Variants in FHIP1A observed in about 807,000 individuals in gnomAD.
FHIP1A encodes the protein FHF complex subunit HOOK interacting protein 1A, also known as FHF complex subunit HOOK-interacting protein 1A.
FHIP1A carries 61 observed loss-of-function variants against 88.6 expected under a neutral mutation model. The ratio of observed to expected loss-of-function variants is 0.69; its 90% CI spans 0.56 to 0.85. The LOEUF (loss-of-function observed/expected upper bound fraction) is 0.85, where lower values mean the gene tolerates loss of function less well. Ranked by LOEUF, FHIP1A falls within the 40% of genes least tolerant of loss-of-function variation. The pLI, the probability that FHIP1A is intolerant of heterozygous loss-of-function variation, is 0.00. For missense variants in FHIP1A, 1,154 were observed against 1,273.5 expected (o/e 0.91, Z 1.43); for synonymous variants, 478 against 496.0 (o/e 0.96, Z 0.48).
At chr4:151,423,771 C>G (rs1309278205) in intron 1 of FHIP1A, among the ~76,000 whole-genome samples, 1 of 152,054 alleles carries the variant, frequency 6.6e-6, no homozygotes, top group East Asian at 1.9e-4. Context: ...TGCAAAGCCA[C>G]AAAAGGTAGT....
intron 1 of FHIP1A, among the ~76,000 whole-genome samples, chr4:151,451,416 CAGG>C (rs1190994191): frequency 6.6e-6 from 1 of 152,054 alleles, no homozygotes; most frequent in African/African-American, 2.4e-5. Context: ...CTTGAGCAAG[CAGG>C]AGTTCATTTT....
chr4:151,498,883 C>T (rs1730555012), intron 3 of FHIP1A, among the ~76,000 whole-genome samples: 2 of 152,214 alleles, frequency 1.3e-5, no homozygotes, highest in African/African-American at 4.8e-5. Flanking sequence ...ATCAACCTCC[C>T]TTCCTCCTTA....
At chr4:151,462,508 G>C in intron 2 of FHIP1A, among the ~76,000 whole-genome samples, 1 of 152,254 alleles carries the variant, frequency 6.6e-6, no homozygotes, top group East Asian at 1.9e-4. Context: ...TTCAAAAGAA[G>C]GATTCATAGT....
chr4:151,500,515 G>T (rs1730614923), intron 3 of FHIP1A, among the ~76,000 whole-genome samples: 1 of 151,286 alleles, frequency 6.6e-6, no homozygotes, highest in Non-Finnish European at 1.5e-5. Flanking sequence ...GTCACTTGGG[G>T]CAACTTACTT....
chr4:151,464,338 T>C (rs1022680149), intron 2 of FHIP1A, among the ~76,000 whole-genome samples: 2 of 152,222 alleles, frequency 1.3e-5, no homozygotes, highest in Admixed American at 1.3e-4. Context: ...CCATTAAAAA[T>C]ATAATTTATC....
chr4:151,555,457 C>T (rs1345351444), intron 3 of FHIP1A, among the ~76,000 whole-genome samples: 2 of 152,192 alleles, frequency 1.3e-5, no homozygotes, highest in East Asian at 3.9e-4. Context: ...AACAACTCTC[C>T]TCCTCCTCTT....
chr4:151,607,835 A>G (rs1346679468), intron 7 of FHIP1A, among the ~76,000 whole-genome samples: 5 of 152,142 alleles, frequency 3.3e-5, no homozygotes, highest in Admixed American at 2.0e-4. Flanking sequence ...TATTTAAGTA[A>G]CCAGCTGAAT....
chr4:151,443,091 C>T (rs77648943), intron 1 of FHIP1A, among the ~76,000 whole-genome samples: 2,682 of 152,018 alleles, frequency 0.018, 74 homozygotes, highest in African/African-American at 0.06. Flanking sequence ...GATAACATAG[C>T]GAGACCCTGT....
intron 7 of FHIP1A, among the ~76,000 whole-genome samples, chr4:151,608,025 T>TTCTTTC (rs1735142873): frequency 6.9e-6 from 1 of 145,778 alleles, no homozygotes; most frequent in Non-Finnish European, 1.5e-5. Context: ...TCTTTTCTTT[T>TTCTTTC]TCTTTCTTCT....
intron 1 of FHIP1A, among the ~76,000 whole-genome samples, chr4:151,446,575 C>CT (rs1580575050): frequency 5.0e-5 from 4 of 79,428 alleles, no homozygotes; most frequent in Middle Eastern, 7.6e-3. Flanking sequence ...ATGTGTTGTT[C>CT]TTTTTCTTTT....
In FHIP1A at chr4:151,518,345, A is replaced by G. The variant is rs191007200; in HGVS notation, c.-123+35697A>G. Among the ~76,000 whole-genome samples, 380 of 152,264 alleles carry G rather than the reference A, an allele frequency of 2.5e-3. 1 individual carries two copies. The highest frequency in any genetic ancestry group is 2.6e-3 in the Non-Finnish European group (180 of 68,016). ...GTCTAGGTGTGTAGTATACTGTACT[A>G]TCTAGGTTTATGAAAGTATACTCTA... On this transcript the variant is annotated intron_variant, in intron 3 of 13. Transcript: ENST00000435205.
chr4:151,496,411 A>G (rs957039123), intron 3 of FHIP1A, among the ~76,000 whole-genome samples: 1 of 152,048 alleles, frequency 6.6e-6, no homozygotes, highest in African/African-American at 2.4e-5. Flanking sequence ...ATATGAATAT[A>G]TATTTGTTTT....
At chr4:151,646,270 G>C (rs1176341889) in intron 9 of FHIP1A, among the ~76,000 whole-genome samples, 1 of 152,198 alleles carries the variant, frequency 6.6e-6, no homozygotes, top group Non-Finnish European at 1.5e-5. Flanking sequence ...CCAGGTAAAG[G>C]TGACAGTGGG....
At chr4:151,612,376 G>A (rs1735354762) in intron 7 of FHIP1A, among the ~76,000 whole-genome samples, 1 of 152,024 alleles carries the variant, frequency 6.6e-6, no homozygotes, top group Admixed American at 6.6e-5. Flanking sequence ...GTACCCATAT[G>A]TTTTTGTTTT....
intron 3 of FHIP1A, among the ~76,000 whole-genome samples, chr4:151,518,724 A>G (rs952846976): frequency 1.5e-4 from 21 of 138,202 alleles, no homozygotes; most frequent in African/African-American, 3.0e-4. Context: ...CGGTGGTGCA[A>G]TCATGGCTCA....
intron 2 of FHIP1A, among the ~76,000 whole-genome samples, chr4:151,476,972 A>G (rs1479632195): frequency 6.6e-6 from 1 of 152,164 alleles, no homozygotes; most frequent in Non-Finnish European, 1.5e-5. Flanking sequence ...AATGCTCCTG[A>G]TGTGTAAAAA....
intron 3 of FHIP1A, among the ~76,000 whole-genome samples, chr4:151,556,561 G>A (rs752864185): frequency 1.3e-5 from 2 of 152,056 alleles, no homozygotes; most frequent in African/African-American, 4.8e-5. Flanking sequence ...TTGGAACTCC[G>A]TGCAGATTTC....
intron 2 of FHIP1A, among the ~76,000 whole-genome samples, chr4:151,474,327 C>G (rs1226478798): frequency 6.6e-6 from 1 of 152,132 alleles, no homozygotes; most frequent in Admixed American, 6.5e-5. Context: ...GCTCATTATG[C>G]TTTACATTGA....
intron 2 of FHIP1A, among the ~76,000 whole-genome samples, chr4:151,457,864 A>G (rs923063565): frequency 9.2e-5 from 14 of 152,192 alleles, no homozygotes; most frequent in Admixed American, 7.2e-4. Flanking sequence ...AAATACTTCT[A>G]TCTCCAAAGG....
Sources: gnomAD v4.1 joint callset for allele counts (sites outside exome capture counted in the v4.1 genomes callset) on GRCh38, gnomAD v4.1.1 for gene constraint, MANE v1.5 for transcripts, NCBI Gene and HGNC (gene_info 2026-07-23, HGNC 2026-07-21) for gene names.